The following PIK3C2G variants were observed in gnomAD, a reference collection of about 807,000 sequenced individuals.
PIK3C2G encodes the protein phosphatidylinositol-4-phosphate 3-kinase catalytic subunit type 2 gamma, also known as phosphatidylinositol 3-kinase C2 domain-containing subunit gamma.
Under a neutral mutation model 181.1 loss-of-function variants are expected in PIK3C2G, and 168 were observed. The ratio of observed to expected loss-of-function variants is 0.93; its 90% CI spans 0.82 to 1.05. The LOEUF (loss-of-function observed/expected upper bound fraction) is 1.05, where lower values mean the gene tolerates loss of function less well. PIK3C2G is among the 50% of genes least tolerant of loss of function. The pLI, the probability that PIK3C2G is intolerant of heterozygous loss-of-function variation, is 0.00. For synonymous variants in PIK3C2G, 573 were observed against 592.2 expected (o/e 0.97, Z 0.47); for missense variants, 1,869 against 1,732.8 (o/e 1.08, Z -1.40).
At chr12:18,546,613 T>C (rs1250974409) in intron 26 of PIK3C2G, among the ~76,000 whole-genome samples, 181 bp downstream of exon 26, 1 of 152,038 alleles carries the variant, frequency 6.6e-6, no homozygotes, top group Non-Finnish European at 1.5e-5. Flanking sequence ...CAGAAGGCCT[T>C]AGTCAGTGTT....
At chr12:18,494,642 T>C (rs922801985) in intron 20 of PIK3C2G, among the ~76,000 whole-genome samples, 9 of 152,084 alleles carry the variant, frequency 5.9e-5, no homozygotes, top group African/African-American at 2.2e-4. Context: ...GAACTTGGGA[T>C]AACTCAAAGA....
At chr12:18,650,716 A>G (rs1565602674), downstream of PIK3C2G, among the ~76,000 whole-genome samples, 493 of 4,590 alleles carry the variant, frequency 0.11, 18 homozygotes, top group African/African-American at 0.27. Flanking sequence ...ATATATCTAT[A>G]TATATATATA....
At chr12:18,268,044 C>A (rs1948583108) in intron 1 of PIK3C2G, among the ~76,000 whole-genome samples, 2 of 152,264 alleles carry the variant, frequency 1.3e-5, no homozygotes, top group Admixed American at 6.5e-5. Context: ...ATTGATCCGA[C>A]CCTATATCTC....
In PIK3C2G at chr12:18,274,883, G is replaced by C. The variant is rs1948916341; in HGVS notation, c.-78-7121G>C. ...GAACTACGTATATGTTGTCAGATCA[G>C]ATAGCCATATTAAACTGTCTTCAAT... On this transcript the variant is annotated intron_variant, in intron 1 of 32. Transcript: ENST00000538779. Among the ~76,000 whole-genome samples the C allele has an allele frequency of 2.0e-5, 3 of 152,168 alleles. 1 individual carries two copies. Among genetic ancestry groups the C allele is most frequent in the Admixed American group, 1.3e-4 (2 of 15,284 alleles).
chr12:18,362,680 T>C, intron 11 of PIK3C2G, 84 bp from the exon 12 acceptor site: 2 of 1,006,000 alleles, frequency 2.0e-6, no homozygotes, highest in Non-Finnish European at 2.8e-6. Context: ...CATTTGACTT[T>C]TGACTACAAA....
chr12:18,500,111 G>A (rs1941311691), intron 22 of PIK3C2G, among the ~76,000 whole-genome samples: 3 of 152,178 alleles, frequency 2.0e-5, no homozygotes, highest in Admixed American at 2.0e-4. Context: ...GGCCAAGGCC[G>A]GAGCTGGCTC....
At chr12:18,396,366 A>G (rs184871432) in intron 15 of PIK3C2G, among the ~76,000 whole-genome samples, 3 of 151,874 alleles carry the variant, frequency 2.0e-5, no homozygotes, top group African/African-American at 7.2e-5. Flanking sequence ...AACTTTCTCA[A>G]CCTTGAAAAG....
At chr12:18,673,848 A>G in the PIK3C2G span, among the ~76,000 whole-genome samples, 1 of 152,200 alleles carries the variant, frequency 6.6e-6, no homozygotes, top group African/African-American at 2.4e-5. Context: ...GTTCCACAGA[A>G]GCTGCCCTGA....
intron 31 of PIK3C2G, among the ~76,000 whole-genome samples, chr12:18,621,441 A>T (rs1414750731): frequency 6.6e-6 from 1 of 151,892 alleles, no homozygotes; most frequent in Non-Finnish European, 1.5e-5. Context: ...TTTAGTTTGC[A>T]TGTATTGAGT....
intron 5 of PIK3C2G, among the ~76,000 whole-genome samples, chr12:18,295,830 T>C (rs886661841): frequency 6.6e-6 from 1 of 152,022 alleles, no homozygotes; most frequent in Non-Finnish European, 1.5e-5. Flanking sequence ...TTTACTACTG[T>C]TCTAGCATCT....
intron 20 of PIK3C2G, among the ~76,000 whole-genome samples, chr12:18,492,526 G>A (rs1940659570): frequency 6.6e-6 from 1 of 152,092 alleles, no homozygotes; most frequent in Admixed American, 6.5e-5. Flanking sequence ...GTCTGTCTGG[G>A]CTGAAATCCA....
At chr12:18,243,068 A>C (rs1473800444), upstream of PIK3C2G, among the ~76,000 whole-genome samples, 1 of 152,170 alleles carries the variant, frequency 6.6e-6, no homozygotes, top group Admixed American at 6.5e-5. Context: ...GTAAATGTAC[A>C]CTGTACTATG....
At chr12:18,452,157 T>G (rs1947399426) in intron 18 of PIK3C2G, among the ~76,000 whole-genome samples, 1 of 152,224 alleles carries the variant, frequency 6.6e-6, no homozygotes, top group South Asian at 2.1e-4. Context: ...TACCAGCTCC[T>G]CTTTGTACCT....
At chr12:18,491,696 T>A (rs753930535) in intron 20 of PIK3C2G, 138 bp downstream of exon 20, 1 of 557,076 alleles carries the variant, frequency 1.8e-6, no homozygotes, top group African/African-American at 1.9e-5. Context: ...TGAATCCATT[T>A]ACATTGTGTT....
At chr12:18,312,450 C>A (rs1001528319) in intron 5 of PIK3C2G, among the ~76,000 whole-genome samples, 2 of 151,992 alleles carry the variant, frequency 1.3e-5, no homozygotes, top group Non-Finnish European at 2.9e-5. Context: ...CCTCCCATAG[C>A]AGGAACAGGG....
chr12:18,445,516 G>A (rs1946975462), intron 18 of PIK3C2G, among the ~76,000 whole-genome samples: 1 of 151,906 alleles, frequency 6.6e-6, no homozygotes, highest in Non-Finnish European at 1.5e-5. Context: ...TGTTGTGGAG[G>A]TTTGTTTATC....
At chr12:18,630,841 C>T (rs1591712361) in intron 31 of PIK3C2G, among the ~76,000 whole-genome samples, 1 of 151,908 alleles carries the variant, frequency 6.6e-6, no homozygotes, top group Non-Finnish European at 1.5e-5. Flanking sequence ...TTCAACCTAC[C>T]ATGAGTAAGG....
At chr12:18,496,969 A>C (rs2136087266) in intron 21 of PIK3C2G, among the ~76,000 whole-genome samples, 1 of 152,298 alleles carries the variant, frequency 6.6e-6, no homozygotes, top group Non-Finnish European at 1.5e-5. Flanking sequence ...TGTTTTCAAA[A>C]CGAAATTTCT....
chr12:18,720,725 G>A, the PIK3C2G span, among the ~76,000 whole-genome samples: 1 of 151,896 alleles, frequency 6.6e-6, no homozygotes. Context: ...TTATTTCCAG[G>A]AATTTATCCT....
Sources: allele counts gnomAD v4.1 joint callset (sites outside exome capture counted in the v4.1 genomes callset), GRCh38; gene constraint gnomAD v4.1.1; transcripts MANE v1.5; gene names NCBI Gene and HGNC (gene_info 2026-07-23, HGNC 2026-07-21).